Variants in CDH13 observed in about 807,000 individuals in gnomAD.
CDH13 encodes the protein cadherin-13.
In CDH13, 24 loss-of-function variants were observed where a neutral mutation model predicts 63.8. That is an observed-to-expected ratio of 0.38 (90% CI 0.27 to 0.53). The LOEUF (loss-of-function observed/expected upper bound fraction) is 0.53. Among genes scored for constraint, CDH13 ranks in the 20% least tolerant of loss-of-function variants. CDH13 has a pLI of 0.85. For synonymous variants in CDH13, 503 were observed against 355.3 expected, an observed-to-expected ratio of 1.42 and a Z score of -4.67; for missense variants, 1,049 against 903.1, an observed-to-expected ratio of 1.16 and a Z score of -2.07.
chr16:82,724,857 T>C (rs2033002263), intron 1 of CDH13, among the ~76,000 whole-genome samples: 1 of 152,156 alleles, frequency 6.6e-6, no homozygotes, highest in Admixed American at 6.5e-5. Flanking sequence ...ACACCCTCAG[T>C]CTTCCAGTTG....
chr16:83,025,291 T>C (rs12930895), intron 2 of CDH13, among the ~76,000 whole-genome samples: 21,539 of 152,156 alleles, frequency 0.14, 1,885 homozygotes, highest in East Asian at 0.31. Context: ...TATTAGTCCA[T>C]TCTCATGCTA....
intron 3 of CDH13, among the ~76,000 whole-genome samples, chr16:83,090,590 A>AAT (rs35094598): frequency 1.3e-5 from 2 of 149,614 alleles, no homozygotes; most frequent in African/African-American, 2.5e-5. Flanking sequence ...AAAAAAAAAA[A>AAT]TAAGTGCTTG....
intron 2 of CDH13, among the ~76,000 whole-genome samples, chr16:82,985,940 C>A (rs952295185): frequency 6.6e-6 from 1 of 152,110 alleles, no homozygotes; most frequent in Non-Finnish European, 1.5e-5. Flanking sequence ...CACCTTCCAC[C>A]ATGACTGGAA....
At chr16:83,337,493 C>T (rs140557270) in intron 5 of CDH13, among the ~76,000 whole-genome samples, 118 of 152,108 alleles carry the variant, frequency 7.8e-4, no homozygotes, top group Non-Finnish European at 1.5e-3. Context: ...AATATTCAGG[C>T]GGTATCTTAG....
chr16:83,691,719 C>G (rs1188506800), intron 10 of CDH13, among the ~76,000 whole-genome samples: 1 of 152,094 alleles, frequency 6.6e-6, no homozygotes, highest in African/African-American at 2.4e-5. Context: ...ACATTGTCCC[C>G]AGGAGTCGAA....
At chr16:83,454,534 C>T (rs1334871045) in intron 6 of CDH13, among the ~76,000 whole-genome samples, 1 of 152,094 alleles carries the variant, frequency 6.6e-6, no homozygotes, top group Non-Finnish European at 1.5e-5. Context: ...TCCCAGATTG[C>T]TGTATGGTCC....
intron 2 of CDH13, among the ~76,000 whole-genome samples, chr16:82,914,683 A>T (rs964459195): frequency 3.9e-5 from 6 of 152,220 alleles, no homozygotes; most frequent in African/African-American, 1.2e-4. Flanking sequence ...GCAAAAGTGC[A>T]TGTCATTTCA....
At chr16:83,120,937 T>A (rs2035541520) in intron 3 of CDH13, among the ~76,000 whole-genome samples, 1 of 152,000 alleles carries the variant, frequency 6.6e-6, no homozygotes, top group Non-Finnish European at 1.5e-5. Flanking sequence ...CTAATTTTTG[T>A]ATTTTTGGTA....
chr16:83,113,488 G>A (rs1180582230), intron 3 of CDH13, among the ~76,000 whole-genome samples: 2 of 152,208 alleles, frequency 1.3e-5, no homozygotes, highest in Non-Finnish European at 2.9e-5. Flanking sequence ...TCTTGTGCTA[G>A]GCACCAGGGG....
chr16:83,426,907 CTTTTTTTTTTT>C (rs71148833), intron 6 of CDH13, among the ~76,000 whole-genome samples: 67 of 63,176 alleles, frequency 1.1e-3, no homozygotes, highest in Middle Eastern at 0.019. Context: ...ATGTTTCTTT[CTTTTTTTTTTT>C]TTTTTTTTTT....
At chr16:83,157,956 C>T (rs1051790273) in intron 4 of CDH13, among the ~76,000 whole-genome samples, 1 of 151,864 alleles carries the variant, frequency 6.6e-6, no homozygotes, top group Non-Finnish European at 1.5e-5. Flanking sequence ...AATGTGTCCT[C>T]AAAGCTTCCT....
Position 83,800,189 on chromosome 16 carries a change from T to C in CDH13, c.*5159T>C, listed in dbSNP as rs2151027683. 1 of 151,300 alleles carries C rather than the reference T, an allele frequency of 6.6e-6. No homozygotes were observed. Among genetic ancestry groups the C allele is most frequent in the East Asian group, 2.0e-4 (1 of 5,090 alleles). 9.4% of individuals were successfully genotyped at this position (151,300 alleles called of 1,614,324 possible). On this transcript the variant is annotated 3_prime_UTR_variant, in exon 14 of 14. Coordinates refer to ENST00000567109, the MANE Select transcript of CDH13 (RefSeq NM_001257.5). ...ACGAGGGAGGTTTTCACTCTGAAGCTATGAAGATTTGGAGAAAGGGGCTTA... is the reference window on the plus strand; with the variant it reads ...ACGAGGGAGGTTTTCACTCTGAAGCCATGAAGATTTGGAGAAAGGGGCTTA...
chr16:83,092,336 T>C (rs1264255414), intron 3 of CDH13, among the ~76,000 whole-genome samples: 2 of 152,232 alleles, frequency 1.3e-5, no homozygotes, highest in African/African-American at 4.8e-5. Context: ...CTTCCTAGCA[T>C]TTGATTGACG....
At chr16:83,505,037 T>C (rs1242810613) in intron 7 of CDH13, among the ~76,000 whole-genome samples, 2 of 152,172 alleles carry the variant, frequency 1.3e-5, no homozygotes, top group Admixed American at 1.3e-4. Flanking sequence ...TGCCTCATCA[T>C]AGTCAGCCAG....
At chr16:82,951,488 A>G (rs748463768) in intron 2 of CDH13, among the ~76,000 whole-genome samples, 2 of 152,216 alleles carry the variant, frequency 1.3e-5, no homozygotes, top group Non-Finnish European at 2.9e-5. Flanking sequence ...GCTCACCATG[A>G]GGTCGTTGGG....
chr16:83,246,703 C>G (rs1159548908), intron 5 of CDH13, among the ~76,000 whole-genome samples: 1 of 152,162 alleles, frequency 6.6e-6, no homozygotes, highest in African/African-American at 2.4e-5. Context: ...TTTGAGGCCC[C>G]TATGTTTACT....
At chr16:83,211,708 C>T (rs1354206982) in intron 4 of CDH13, among the ~76,000 whole-genome samples, 1 of 152,102 alleles carries the variant, frequency 6.6e-6, no homozygotes, top group South Asian at 2.1e-4. Flanking sequence ...GTACTCCCTG[C>T]CCCTGCCCGG....
At chr16:83,091,667 T>C (rs1423637285) in intron 3 of CDH13, among the ~76,000 whole-genome samples, 1 of 152,228 alleles carries the variant, frequency 6.6e-6, no homozygotes, top group African/African-American at 2.4e-5. Context: ...TTTATAAACA[T>C]ACCTCATCAG....
At chr16:83,617,045 C>T (rs571513114) in intron 8 of CDH13, among the ~76,000 whole-genome samples, 1 of 152,160 alleles carries the variant, frequency 6.6e-6, no homozygotes, top group Non-Finnish European at 1.5e-5. Flanking sequence ...CTTCCTTGTC[C>T]CAAAACATGT....
Sources: gnomAD v4.1 joint callset for allele counts (sites outside exome capture counted in the v4.1 genomes callset) on GRCh38, gnomAD v4.1.1 for gene constraint, MANE v1.5 for transcripts, NCBI Gene and HGNC (gene_info 2026-07-23, HGNC 2026-07-21) for gene names.